Variants in MAF observed in about 807,000 individuals in gnomAD.
MAF encodes transcription factor Maf.
MAF carries 10 observed loss-of-function variants against 22.0 expected under a neutral mutation model. That is an observed-to-expected ratio of 0.45 (90% CI 0.28 to 0.77). MAF has a LOEUF of 0.77. Ranked by LOEUF, MAF falls within the 30% of genes least tolerant of loss-of-function variation. MAF has a pLI of 0.12. For synonymous variants in MAF, 337 were observed against 255.8 expected (o/e 1.32, Z -3.03); for missense variants, 544 against 548.4 (o/e 0.99, Z 0.08).
At chr16:79,587,345 T>G (rs903138383) in intron 1 of MAF, among the ~76,000 whole-genome samples, 1 of 152,106 alleles carries the variant, frequency 6.6e-6, no homozygotes, top group Non-Finnish European at 1.5e-5. Flanking sequence ...TGATAAAACC[T>G]GGAAGTGTAT....
chr16:79,343,246 C>CA, the MAF span, among the ~76,000 whole-genome samples: 2 of 151,882 alleles, frequency 1.3e-5, no homozygotes, highest in African/African-American at 4.8e-5. Flanking sequence ...CAACCCCCCC[C>CA]CAAAAAAATC....
the MAF span, among the ~76,000 whole-genome samples, chr16:79,500,884 C>T: frequency 2.6e-5 from 4 of 152,134 alleles, no homozygotes; most frequent in South Asian, 4.1e-4. Context: ...TGACTGCTGA[C>T]TCAAAATACT....
the MAF span, among the ~76,000 whole-genome samples, chr16:79,577,243 A>C: frequency 6.6e-6 from 1 of 151,986 alleles, no homozygotes; most frequent in Non-Finnish European, 1.5e-5. Context: ...GCCTCAGTCA[A>C]CCCTACTGAG....
chr16:79,541,537 G>C, the MAF span, among the ~76,000 whole-genome samples: 5 of 152,008 alleles, frequency 3.3e-5, no homozygotes, highest in African/African-American at 1.2e-4. Flanking sequence ...TAAGGATAAG[G>C]AAACTGAGGC....
At chr16:79,293,774 G>A in the MAF span, among the ~76,000 whole-genome samples, 7 of 152,020 alleles carry the variant, frequency 4.6e-5, no homozygotes, top group African/African-American at 1.7e-4. Flanking sequence ...ATTGTTGGAT[G>A]CTAGAAACAA....
the MAF span, among the ~76,000 whole-genome samples, chr16:79,385,874 T>A: frequency 3.3e-5 from 5 of 152,100 alleles, no homozygotes; most frequent in Admixed American, 6.6e-5. Flanking sequence ...GCCACTGCAC[T>A]CCCACCTGGG....
chr16:79,292,925 C>G, the MAF span, among the ~76,000 whole-genome samples: 2 of 152,092 alleles, frequency 1.3e-5, no homozygotes, highest in Admixed American at 1.3e-4. Context: ...GAAAGTTACC[C>G]TATAATGGTC....
the MAF span, among the ~76,000 whole-genome samples, chr16:79,543,740 G>A: frequency 8.9e-5 from 13 of 146,706 alleles, no homozygotes; most frequent in Non-Finnish European, 1.6e-4. Flanking sequence ...AGGCTGGAGT[G>A]CAGTGGTGCA....
the MAF span, among the ~76,000 whole-genome samples, chr16:79,230,001 G>GAA: frequency 1.2e-4 from 18 of 150,928 alleles, no homozygotes; most frequent in African/African-American, 4.4e-4. Context: ...GTTGCTTACA[G>GAA]AAAAAAAAAG....
the MAF span, among the ~76,000 whole-genome samples, chr16:79,392,432 G>A: frequency 4.7e-5 from 7 of 149,024 alleles, no homozygotes; most frequent in African/African-American, 1.7e-4. Flanking sequence ...AGAGGAGAAA[G>A]GGAAGAGAGA....
chr16:79,513,779 C>A, the MAF span, among the ~76,000 whole-genome samples: 1 of 152,148 alleles, frequency 6.6e-6, no homozygotes, highest in Non-Finnish European at 1.5e-5. Flanking sequence ...GTGTAGGACA[C>A]GTTCCATATA....
the MAF span, among the ~76,000 whole-genome samples, chr16:79,432,561 G>C: frequency 6.6e-6 from 1 of 152,036 alleles, no homozygotes; most frequent in Non-Finnish European, 1.5e-5. Flanking sequence ...TTGTACCACA[G>C]TAACTGAAAC....
At chr16:79,485,155 C>T in the MAF span, among the ~76,000 whole-genome samples, 1 of 152,198 alleles carries the variant, frequency 6.6e-6, no homozygotes, top group Admixed American at 6.5e-5. Flanking sequence ...GAACAGTGAT[C>T]TCTTTAAAGG....
the MAF span, among the ~76,000 whole-genome samples, chr16:79,317,664 A>T: frequency 6.6e-6 from 1 of 152,136 alleles, no homozygotes; most frequent in African/African-American, 2.4e-5. Context: ...GACCTCCCAG[A>T]GGGAACAGCC....
At chr16:79,521,448 C>A in the MAF span, among the ~76,000 whole-genome samples, 2 of 152,188 alleles carry the variant, frequency 1.3e-5, no homozygotes. Context: ...GCATTCAGCC[C>A]ACCATTAATC....
chr16:79,340,418 A>C, the MAF span, among the ~76,000 whole-genome samples: 3 of 150,998 alleles, frequency 2.0e-5, no homozygotes, highest in Non-Finnish European at 4.4e-5. Flanking sequence ...AGTGCCTGGC[A>C]TAAGAACATA....
the MAF span, among the ~76,000 whole-genome samples, chr16:79,356,804 T>C: frequency 2.0e-5 from 3 of 152,226 alleles, no homozygotes; most frequent in Non-Finnish European, 4.4e-5. Context: ...GCTGTTGCTC[T>C]TGGGCCCCAT....
chr16:79,523,222 T>G, the MAF span, among the ~76,000 whole-genome samples: 1 of 152,232 alleles, frequency 6.6e-6, no homozygotes, highest in African/African-American at 2.4e-5. Flanking sequence ...ACTCATCTTC[T>G]AGCCATGATT....
chr16:79,334,276 G>A, the MAF span, among the ~76,000 whole-genome samples: 2 of 152,154 alleles, frequency 1.3e-5, no homozygotes, highest in African/African-American at 4.8e-5. Flanking sequence ...GGCAAAGAAG[G>A]GCTGCTGAGT....
Sources: gnomAD v4.1 joint callset for allele counts (sites outside exome capture counted in the v4.1 genomes callset) on GRCh38, gnomAD v4.1.1 for gene constraint, MANE v1.5 for transcripts, NCBI Gene and HGNC (gene_info 2026-07-23, HGNC 2026-07-21) for gene names.